Variants in SEPTIN6 observed in about 807,000 individuals in gnomAD.
SEPTIN6 encodes septin 6.
Under a neutral mutation model 33.6 loss-of-function variants are expected in SEPTIN6, and 8 were observed. That is an observed-to-expected ratio of 0.24 (90% CI 0.14 to 0.43). SEPTIN6 has a LOEUF of 0.43. Among genes scored for constraint, SEPTIN6 ranks in the 20% least tolerant of loss-of-function variants. The probability of loss-of-function intolerance (pLI) is 1.00; values close to 1 mark genes in which losing one functional copy is unlikely to be tolerated. For missense variants in SEPTIN6, 250 were observed against 340.8 expected (o/e 0.73, Z 2.10); for synonymous variants, 131 against 140.0 (o/e 0.94, Z 0.45).
Position 119,617,925 on chromosome X carries a change from CTAGT to C in SEPTIN6, c.*2164_*2167del, listed in dbSNP as rs2053691023. On this transcript the variant is annotated 3_prime_UTR_variant, in exon 11 of 11. Transcript: ENST00000394610. ...TTATTCAGAGCTTCTCAAGCCTTAACTAGTTAATCTGTACACAAATGCAAATGAG... is the reference window on the plus strand; with the variant it reads ...TTATTCAGAGCTTCTCAAGCCTTAACTAATCTGTACACAAATGCAAATGAG... 2.5e-6 allele frequency: 2 copies of C among 803,688 alleles called. No individual in the cohort carries two copies. Among genetic ancestry groups the C allele is most frequent in the African/African-American group, 2.2e-5 (1 of 46,186 alleles). 66.2% of individuals were successfully genotyped at this position (803,688 alleles called of 1,213,427 possible). A position where few individuals can be genotyped will look rare whatever the true frequency, so the allele number is the denominator to read the frequency against.
Position 119,663,789 on chromosome X carries a change from A to C in SEPTIN6, c.146-112T>G, listed in dbSNP as rs2147583564. On this transcript the variant is annotated intron_variant, in intron 2 of 10. Coordinates refer to ENST00000394610, the MANE Select transcript of SEPTIN6 (RefSeq NM_145799.4). The stretch of plus-strand genomic sequence containing the variant: ...CACGGGAAAATGAACATGATAAAAC[A>C]TAAAGCAAAAAGCAGAAGCAGATGA... 6.6e-6 allele frequency: 4 copies of C among 609,285 alleles called. No homozygotes were observed. In the East Asian group the frequency reaches 1.3e-4, roughly 20 times the overall value. The allele number at this position is 609,285 out of a possible 1,213,427, so 50.2% of individuals were successfully genotyped here.
At chrX:119,650,218 C>A in intron 4 of SEPTIN6, 120 bp from the exon 5 acceptor site, 1 of 635,269 alleles carries the variant, frequency 1.6e-6, no homozygotes, top group South Asian at 2.7e-5. Context: ...AAAGACTGGC[C>A]ACTTCTGTAG....
intron 5 of SEPTIN6, among the ~76,000 whole-genome samples, chrX:119,641,128 A>G (rs1169122652): frequency 8.9e-6 from 1 of 111,979 alleles, no homozygotes; most frequent in Non-Finnish European, 1.9e-5. Flanking sequence ...CCTTTGGAAG[A>G]AGGGGAAGTG....
At position 119,618,674 on chromosome X, in the gene SEPTIN6, C is replaced by G; in HGVS notation, c.*1419G>C. 8.4e-7 allele frequency: 1 copy of G among 1,186,335 alleles called. No individual in the cohort carries two copies. The highest frequency in any genetic ancestry group is 1.9e-5 in the South Asian group (1 of 52,328). Reference sequence around the variant, plus strand: ...GGATAGGGGTGGGGGGCCTCGCTGCCTGGCACCCCAAAGGAAAGCTGTCAG... The same window carrying G: ...GGATAGGGGTGGGGGGCCTCGCTGCGTGGCACCCCAAAGGAAAGCTGTCAG... On this transcript the variant is annotated 3_prime_UTR_variant, in exon 11 of 11. Coordinates refer to ENST00000394610, the MANE Select transcript of SEPTIN6 (RefSeq NM_145799.4).
At chrX:119,635,023 A>G (rs997218148) in intron 7 of SEPTIN6, 9 of 251,472 alleles carry the variant, frequency 3.6e-5, no homozygotes, top group Non-Finnish European at 6.8e-5. Flanking sequence ...AAAAAAAAAA[A>G]AAAAGAAAGA....
intron 10 of SEPTIN6, among the ~76,000 whole-genome samples, chrX:119,622,276 AG>A (rs1234961025): frequency 9.0e-6 from 1 of 111,461 alleles, no homozygotes; most frequent in African/African-American, 3.3e-5. Context: ...GCAACGATGT[AG>A]GGGGTCACAA....
intron 4 of SEPTIN6, 152 bp from the exon 5 acceptor site, chrX:119,650,250 G>A: frequency 4.0e-6 from 2 of 503,302 alleles, no homozygotes; most frequent in East Asian, 3.5e-5. Context: ...TATAATAAAC[G>A]ACAAGTACTA....
chrX:119,636,937 C>A, intron 7 of SEPTIN6, 90 bp downstream of exon 7: 1 of 1,065,232 alleles, frequency 9.4e-7, no homozygotes, highest in Non-Finnish European at 1.3e-6. Flanking sequence ...TCTCGCCTCC[C>A]CTGTGAATTC....
intron 7 of SEPTIN6, among the ~76,000 whole-genome samples, chrX:119,636,526 C>T (rs1372952407): frequency 8.9e-6 from 1 of 111,864 alleles, no homozygotes; most frequent in Admixed American, 9.5e-5. Flanking sequence ...TGCAGTTCAT[C>T]GATGCATGGC....
chrX:119,668,770 T>C (rs1394678788), intron 2 of SEPTIN6, among the ~76,000 whole-genome samples: 2 of 111,862 alleles, frequency 1.8e-5, no homozygotes, highest in African/African-American at 3.3e-5. Flanking sequence ...CTGACCAACA[T>C]AGACCCTGTC....
rs932764576 is a variant in SEPTIN6 at position 119,619,684 on chromosome X, T to C, written c.*409A>G. The C allele has an allele frequency of 5.7e-5, 52 of 906,158 alleles. No homozygotes were observed. The African/African-American group carries it at 1.0e-3, about 18-fold the overall frequency. 74.7% of individuals were successfully genotyped at this position (906,158 alleles called of 1,213,427 possible). ...TCGGTGGTTACCCAGCCATGGTGGT[T>C]GCAAATACCTCAGGGAAACTAACAG... On this transcript the variant is annotated 3_prime_UTR_variant, in exon 11 of 11. Coordinates refer to ENST00000394610, the MANE Select transcript of SEPTIN6 (RefSeq NM_145799.4).
At chrX:119,662,884 G>C (rs1008859621) in intron 3 of SEPTIN6, among the ~76,000 whole-genome samples, 3 of 112,012 alleles carry the variant, frequency 2.7e-5, no homozygotes, top group Non-Finnish European at 5.6e-5. Flanking sequence ...CTTTATACAG[G>C]CAGTTACTTC....
intron 1 of SEPTIN6, among the ~76,000 whole-genome samples, chrX:119,692,668 G>A (rs1232080791): frequency 1.8e-5 from 2 of 112,620 alleles, no homozygotes; most frequent in Non-Finnish European, 3.8e-5. Context: ...GCGGTCCCGG[G>A]TCACAACGGG....
intron 1 of SEPTIN6, 70 bp from the exon 2 acceptor site, chrX:119,675,738 C>A: frequency 1.7e-6 from 1 of 603,618 alleles, no homozygotes; most frequent in Non-Finnish European, 2.4e-6. Context: ...CTTCTCCATC[C>A]AAATGTTCGC....
chrX:119,675,510 G>T, intron 2 of SEPTIN6, 44 bp downstream of exon 2: 2 of 784,342 alleles, frequency 2.5e-6, no homozygotes, highest in Non-Finnish European at 3.6e-6. Flanking sequence ...AGCCATTAAG[G>T]ATCCATATTC....
At chrX:119,644,736 A>G (rs2054215552) in intron 5 of SEPTIN6, among the ~76,000 whole-genome samples, 1 of 107,810 alleles carries the variant, frequency 9.3e-6, no homozygotes, top group Non-Finnish European at 1.9e-5. Context: ...AATCCCAGCT[A>G]CTCGGGAGGC....
At chrX:119,645,404 A>AT (rs370969102) in intron 5 of SEPTIN6, among the ~76,000 whole-genome samples, 1,380 of 94,969 alleles carry the variant, frequency 0.015, 36 homozygotes, top group African/African-American at 0.045. Context: ...ATGCCCAGCT[A>AT]TTTTTTTTTT....
intron 5 of SEPTIN6, among the ~76,000 whole-genome samples, chrX:119,644,947 GC>G (rs1569427229): frequency 9.6e-6 from 1 of 104,282 alleles, no homozygotes; most frequent in Non-Finnish European, 2.0e-5. Context: ...CGCTCTTGTT[GC>G]CCAGGCTGGA....
intron 10 of SEPTIN6, 68 bp from the exon 11 acceptor site, chrX:119,620,119 AGAAG>A: frequency 2.2e-6 from 2 of 918,872 alleles, no homozygotes; most frequent in Non-Finnish European, 3.1e-6. Flanking sequence ...AAAAAAAGTC[AGAAG>A]AAAATTAAGT....
Sources: gnomAD v4.1 joint callset for allele counts (sites outside exome capture counted in the v4.1 genomes callset) on GRCh38, gnomAD v4.1.1 for gene constraint, MANE v1.5 for transcripts, NCBI Gene and HGNC (gene_info 2026-07-23, HGNC 2026-07-21) for gene names.